Variants in RUNX2 observed in about 807,000 individuals in gnomAD.
RUNX2 encodes RUNX family transcription factor 2, also known as runt-related transcription factor 2.
A neutral mutation model predicts 51.7 loss-of-function variants in RUNX2; 10 were observed. That is an observed-to-expected ratio of 0.19 (90% CI 0.12 to 0.33). The LOEUF (loss-of-function observed/expected upper bound fraction) is 0.33, where lower values mean the gene tolerates loss of function less well. Among genes scored for constraint, RUNX2 ranks in the 10% least tolerant of loss-of-function variants. RUNX2 has a pLI of 1.00. For synonymous variants in RUNX2, 276 were observed against 273.6 expected (o/e 1.01, Z -0.09); for missense variants, 562 against 691.3 (o/e 0.81, Z 2.10).
chr6:45,508,208 T>C (rs1213691644), intron 6 of RUNX2, among the ~76,000 whole-genome samples: 1 of 150,352 alleles, frequency 6.7e-6, no homozygotes, highest in Non-Finnish European at 1.5e-5. Flanking sequence ...CATATGGCAG[T>C]TCTTATATTT....
chr6:45,440,127 G>A (rs943818070), intron 5 of RUNX2, among the ~76,000 whole-genome samples: 5 of 152,108 alleles, frequency 3.3e-5, no homozygotes, highest in Admixed American at 6.5e-5. Context: ...TGAAAATATC[G>A]GTGAAAATGC....
intron 6 of RUNX2, among the ~76,000 whole-genome samples, chr6:45,507,996 T>C (rs1801024078): frequency 6.6e-6 from 1 of 152,172 alleles, no homozygotes; most frequent in Non-Finnish European, 1.5e-5. Context: ...ACTCCCATTT[T>C]ATAGATGAGG....
At chr6:45,352,095 AAAAT>A (rs1454177540) in intron 2 of RUNX2, among the ~76,000 whole-genome samples, 5 of 152,326 alleles carry the variant, frequency 3.3e-5, no homozygotes, top group Admixed American at 3.3e-4. Context: ...GGCATAGCTG[AAAAT>A]AAATATTACC....
chr6:45,334,124 T>C (rs527683636), intron 2 of RUNX2, among the ~76,000 whole-genome samples: 4 of 151,284 alleles, frequency 2.6e-5, no homozygotes, highest in Non-Finnish European at 4.5e-5. Flanking sequence ...CTCTTAATTA[T>C]ACATTAGTTA....
At chr6:45,504,897 G>T (rs1800914005) in intron 6 of RUNX2, among the ~76,000 whole-genome samples, 2 of 152,204 alleles carry the variant, frequency 1.3e-5, no homozygotes, top group Non-Finnish European at 2.9e-5. Context: ...GGGGGAAAAT[G>T]GGTGGAGAAT....
intron 5 of RUNX2, among the ~76,000 whole-genome samples, chr6:45,444,109 C>G (rs1033109225): frequency 6.6e-6 from 1 of 152,158 alleles, no homozygotes; most frequent in African/African-American, 2.4e-5. Context: ...CTCGGCCTCC[C>G]AAAGTGCTGG....
intron 7 of RUNX2, among the ~76,000 whole-genome samples, chr6:45,528,174 C>T (rs574134458): frequency 6.6e-6 from 1 of 152,272 alleles, no homozygotes; most frequent in South Asian, 2.1e-4. Flanking sequence ...TTACCTCCCA[C>T]CAGGTCCCTC....
At position 45,547,549 on chromosome 6, in the gene RUNX2, A is replaced by G. The variant is rs1409973009; in HGVS notation, c.*244A>G. ...AGCTTCAGATTGTTTACTATTTAAG[A>G]TGTACTTTTACAAAGGAACAAAGAA... is the stretch of plus-strand genomic sequence containing the variant. On this transcript the variant is annotated 3_prime_UTR_variant, in exon 9 of 9. Coordinates refer to ENST00000647337, the MANE Select transcript of RUNX2 (RefSeq NM_001024630.4). 1.8e-6 allele frequency: 1 copy of G among 554,946 alleles called. No homozygotes were observed. Among genetic ancestry groups the G allele is most frequent in the Non-Finnish European group, 3.2e-6 (1 of 310,392 alleles). 34.4% of individuals were successfully genotyped at this position (554,946 alleles called of 1,614,324 possible). A position where few individuals can be genotyped will look rare whatever the true frequency, so the allele number is the denominator to read the frequency against.
At position 45,431,874 on chromosome 6, in the gene RUNX2, C is replaced by T. The variant is rs147760046; in HGVS notation, c.435C>T (p.Leu145=). ...TLPVAFKVVA[L]GEVPDGTVVT... is the part of the protein sequence containing the mutation. ...CCTGTTTTATGTAGGTGGTAGCCCTCGGAGAGGTACCAGATGGGACTGTGG... is the reference window on the plus strand; with the variant it reads ...CCTGTTTTATGTAGGTGGTAGCCCTTGGAGAGGTACCAGATGGGACTGTGG... The change falls in exon 4 of 9, where the codon CTC becomes CTT. Residue 145 remains leucine, a synonymous_variant. Coordinates refer to ENST00000647337, the MANE Select transcript of RUNX2 (RefSeq NM_001024630.4). The T allele has an allele frequency of 1.2e-5, 19 of 1,613,942 alleles. No homozygotes were observed. Among genetic ancestry groups the T allele is most frequent in the Admixed American group, 6.7e-5 (4 of 59,988 alleles).
chr6:45,404,539 G>T (rs79446501), intron 2 of RUNX2, among the ~76,000 whole-genome samples: 3,102 of 152,128 alleles, frequency 0.02, 44 homozygotes, highest in Non-Finnish European at 0.033. Context: ...CATTCTTTTT[G>T]ATAGTGTTGT....
At chr6:45,396,510 G>T (rs528828838) in intron 2 of RUNX2, among the ~76,000 whole-genome samples, 2 of 151,940 alleles carry the variant, frequency 1.3e-5, no homozygotes, top group Non-Finnish European at 2.9e-5. Flanking sequence ...GACCCAAACC[G>T]TCCTCCTGCC....
At chr6:45,456,963 G>T (rs759776624) in intron 5 of RUNX2, among the ~76,000 whole-genome samples, 11 of 152,144 alleles carry the variant, frequency 7.2e-5, no homozygotes, top group Non-Finnish European at 1.0e-4. Context: ...TTGAAAAAAG[G>T]TTCCTGCTGT....
At chr6:45,528,550 G>A (rs191682585) in intron 7 of RUNX2, among the ~76,000 whole-genome samples, 78 of 152,282 alleles carry the variant, frequency 5.1e-4, no homozygotes, top group Non-Finnish European at 1.0e-3. Flanking sequence ...GAATCCAGGA[G>A]GCAGAGGTTG....
chr6:45,499,986 T>A (rs904814972), intron 6 of RUNX2, among the ~76,000 whole-genome samples: 2 of 152,214 alleles, frequency 1.3e-5, no homozygotes, highest in Non-Finnish European at 2.9e-5. Flanking sequence ...TATTAGTTGC[T>A]TAGGGTCCTT....
At chr6:45,483,068 G>A (rs1001374765) in intron 5 of RUNX2, among the ~76,000 whole-genome samples, 1 of 152,156 alleles carries the variant, frequency 6.6e-6, no homozygotes, top group Non-Finnish European at 1.5e-5. Context: ...TATGATCTGT[G>A]GTCCTGTGTC....
intron 2 of RUNX2, among the ~76,000 whole-genome samples, chr6:45,356,323 CACACACATAT>C (rs1395760032): frequency 6.6e-6 from 1 of 152,108 alleles, no homozygotes; most frequent in Non-Finnish European, 1.5e-5. Flanking sequence ...ATTAAAAACA[CACACACATAT>C]ACACACATAT....
chr6:45,523,953 CA>C (rs1054497806), intron 7 of RUNX2, among the ~76,000 whole-genome samples: 27 of 149,670 alleles, frequency 1.8e-4, no homozygotes, highest in Middle Eastern at 3.4e-3. Context: ...AAAACGAAAA[CA>C]AAAAAAAAGA....
At chr6:45,482,164 G>A (rs1800136007) in intron 5 of RUNX2, among the ~76,000 whole-genome samples, 1 of 152,156 alleles carries the variant, frequency 6.6e-6, no homozygotes, top group African/African-American at 2.4e-5. Context: ...TTCTCATCTT[G>A]TATATTTCCA....
In RUNX2 at chr6:45,372,747, C is replaced by A. The variant is rs142243585; in HGVS notation, c.58+43963C>A. On this transcript the variant is annotated intron_variant, in intron 2 of 8. Coordinates refer to ENST00000647337, the MANE Select transcript of RUNX2 (RefSeq NM_001024630.4). ...AATCTCAGCTCAGTGCAATCTCCAC[C>A]TCCTGGGCTCAAGCAATCCTCCCAC... 1.6e-3 allele frequency among the ~76,000 whole-genome samples: 246 copies of A among 152,202 alleles called. 2 individuals are homozygous for A. Among genetic ancestry groups the A allele is most frequent in the African/African-American group, 5.6e-3 (232 of 41,528 alleles).
Sources: gnomAD v4.1 joint callset for allele counts (sites outside exome capture counted in the v4.1 genomes callset) on GRCh38, gnomAD v4.1.1 for gene constraint, MANE v1.5 for transcripts, NCBI Gene and HGNC (gene_info 2026-07-23, HGNC 2026-07-21) for gene names.